The following FCHO2 variants were observed in gnomAD, a reference collection of about 807,000 sequenced individuals.
The protein encoded by FCHO2 is FCH and mu domain containing endocytic adaptor 2.
In FCHO2, 43 loss-of-function variants were observed where a neutral mutation model predicts 114.1. That is an observed-to-expected ratio of 0.38 (90% CI 0.30 to 0.49). The LOEUF (loss-of-function observed/expected upper bound fraction) is 0.49. Among genes scored for constraint, FCHO2 ranks in the 20% least tolerant of loss-of-function variants. The pLI is 0.97. For synonymous variants in FCHO2, 293 were observed against 315.2 expected (o/e 0.93, Z 0.75); for missense variants, 807 against 950.4 (o/e 0.85, Z 1.98).
intron 8 of FCHO2, among the ~76,000 whole-genome samples, chr5:73,025,230 CAG>C (rs896876616): frequency 6.6e-6 from 1 of 151,956 alleles, no homozygotes; most frequent in African/African-American, 2.4e-5. Context: ...TTTTTTGAGA[CAG>C]AGTTTCACAC....
intron 8 of FCHO2, among the ~76,000 whole-genome samples, chr5:73,017,932 G>A (rs1368541596): frequency 6.6e-6 from 1 of 152,090 alleles, no homozygotes; most frequent in African/African-American, 2.4e-5. Context: ...GGCATGTTAT[G>A]ATGTATCAAA....
At chr5:72,988,200 G>T (rs1369762672) in intron 2 of FCHO2, among the ~76,000 whole-genome samples, 1 of 152,226 alleles carries the variant, frequency 6.6e-6, no homozygotes, top group Non-Finnish European at 1.5e-5. Flanking sequence ...AGCACTTTGG[G>T]AGGCTGAGTG....
rs76868887 is a variant in FCHO2 at position 73,008,984 on chromosome 5, A to T, written c.600+2435A>T. On this transcript the variant is annotated intron_variant, in intron 6 of 25. Transcript: ENST00000430046. ...AAAATAGGGTTTTGTCAGTACACAA[A>T]GCCATGATGACAGCACTTTTAGAGT... 1.3e-3 allele frequency among the ~76,000 whole-genome samples: 202 copies of T among 152,354 alleles called. 3 individuals are homozygous for T. In the East Asian group the frequency reaches 0.036, roughly 27 times the overall value.
intron 5 of FCHO2, among the ~76,000 whole-genome samples, chr5:73,003,131 AGTAGCTGGGAC>A: frequency 6.6e-6 from 1 of 151,964 alleles, no homozygotes; most frequent in East Asian, 1.9e-4. Context: ...CAGCTTCTTG[AGTAGCTGGGAC>A]CACAGGTGTG....
intron 1 of FCHO2, among the ~76,000 whole-genome samples, chr5:72,968,000 C>T (rs561914430): frequency 6.6e-6 from 1 of 151,582 alleles, no homozygotes; most frequent in African/African-American, 2.4e-5. Context: ...TCCCGGCTCA[C>T]TGCAAGCTCT....
chr5:73,038,864 T>A (rs1004092042), intron 10 of FCHO2, among the ~76,000 whole-genome samples: 2 of 152,216 alleles, frequency 1.3e-5, no homozygotes, highest in Non-Finnish European at 2.9e-5. Context: ...AATTGATTAG[T>A]AAGTAAATGT....
chr5:73,052,240 T>C (rs954086120), intron 12 of FCHO2, 92 bp from the exon 13 acceptor site: 5 of 1,298,964 alleles, frequency 3.8e-6, no homozygotes, highest in Non-Finnish European at 5.2e-6. Context: ...TGTGTAACTC[T>C]TAAAGGTTTC....
At chr5:73,026,495 G>A (rs1755926365) in intron 8 of FCHO2, among the ~76,000 whole-genome samples, 1 of 151,888 alleles carries the variant, frequency 6.6e-6, no homozygotes, top group South Asian at 2.1e-4. Context: ...GTATACATAA[G>A]TTAACCTATT....
At chr5:72,986,398 T>C (rs1186202701) in intron 2 of FCHO2, among the ~76,000 whole-genome samples, 1 of 152,142 alleles carries the variant, frequency 6.6e-6, no homozygotes, top group East Asian at 1.9e-4. Context: ...TTCTTTTGGC[T>C]CCCTTAACCT....
At chr5:72,968,612 ATTTG>A (rs776946252) in intron 2 of FCHO2, 23 bp downstream of exon 2, 1 of 1,459,290 alleles carries the variant, frequency 6.9e-7, no homozygotes. Flanking sequence ...TAAATAAGTA[ATTTG>A]TTTAACAACT....
chr5:73,074,677 A>G, intron 19 of FCHO2, 65 bp from the exon 20 acceptor site: 1 of 1,432,422 alleles, frequency 7.0e-7, no homozygotes, highest in South Asian at 1.2e-5. Flanking sequence ...ATGTGAATCT[A>G]ACTATCTTGA....
intron 22 of FCHO2, 116 bp downstream of exon 22, chr5:73,078,428 G>A (rs1742987604): frequency 1.5e-5 from 15 of 991,236 alleles, no homozygotes; most frequent in Non-Finnish European, 2.2e-5. Context: ...ATTCAAGGAT[G>A]TTTTGAAATT....
chr5:72,978,517 A>T (rs1753005242), intron 2 of FCHO2, among the ~76,000 whole-genome samples: 1 of 152,160 alleles, frequency 6.6e-6, no homozygotes, highest in Non-Finnish European at 1.5e-5. Context: ...GGCTGAGACG[A>T]TGGGGTTTTC....
At chr5:72,996,991 C>T (rs1382429766) in intron 5 of FCHO2, 14 of 1,601,910 alleles carry the variant, frequency 8.7e-6, no homozygotes, top group African/African-American at 1.3e-5. Context: ...GGAGCTTCTC[C>T]GCCCTTTTGC....
chr5:73,032,456 T>C (rs1756285915), intron 8 of FCHO2, among the ~76,000 whole-genome samples: 1 of 152,142 alleles, frequency 6.6e-6, no homozygotes, highest in South Asian at 2.1e-4. Flanking sequence ...TCAAGATATG[T>C]TTACTATAGG....
intron 9 of FCHO2, among the ~76,000 whole-genome samples, chr5:73,035,175 TG>T (rs1756436120): frequency 6.6e-6 from 1 of 152,122 alleles, no homozygotes. Context: ...CTCAGCACTT[TG>T]GGAGGCTGAG....
chr5:72,988,026 G>C (rs1753627025), intron 2 of FCHO2, among the ~76,000 whole-genome samples: 2 of 152,186 alleles, frequency 1.3e-5, no homozygotes, highest in South Asian at 2.1e-4. Context: ...GCAGAAAGTT[G>C]GTTGGACCAA....
chr5:73,065,290 A>ATT (rs140369217), intron 18 of FCHO2, among the ~76,000 whole-genome samples: 4 of 151,394 alleles, frequency 2.6e-5, no homozygotes, highest in South Asian at 2.1e-4. Context: ...TAATAAATTG[A>ATT]TTTTTTTTTC....
At chr5:73,035,229 G>A (rs917712956) in intron 9 of FCHO2, among the ~76,000 whole-genome samples, 18 of 152,040 alleles carry the variant, frequency 1.2e-4, no homozygotes, top group Non-Finnish European at 1.0e-4. Flanking sequence ...ACCAGCCTGG[G>A]AAACATGTTG....
Sources: gnomAD v4.1 joint callset for allele counts (sites outside exome capture counted in the v4.1 genomes callset) on GRCh38, gnomAD v4.1.1 for gene constraint, MANE v1.5 for transcripts, NCBI Gene and HGNC (gene_info 2026-07-23, HGNC 2026-07-21) for gene names.